PATJ: variants seen among roughly 807,000 people sequenced by gnomAD.
The protein encoded by PATJ is inaD-like protein.
A neutral mutation model predicts 224.9 loss-of-function variants in PATJ; 190 were observed. The ratio of observed to expected loss-of-function variants is 0.84; its 90% CI spans 0.75 to 0.95. PATJ has a LOEUF of 0.95. Among genes scored for constraint, PATJ ranks in the 40% least tolerant of loss-of-function variants. The pLI is 0.00. For synonymous variants in PATJ, 769 were observed against 820.3 expected (o/e 0.94, Z 1.07); for missense variants, 2,121 against 2,270.3 (o/e 0.93, Z 1.34).
chr1:62,118,673 A>C (rs1664718079), intron 37 of PATJ, among the ~76,000 whole-genome samples: 1 of 152,084 alleles, frequency 6.6e-6, no homozygotes, highest in African/African-American at 2.4e-5. Context: ...TCTGTTGCCC[A>C]GGTTGGAGTG....
intron 27 of PATJ, among the ~76,000 whole-genome samples, chr1:61,961,804 A>G (rs1681324028): frequency 6.6e-6 from 1 of 152,002 alleles, no homozygotes. Context: ...CCCCGTCTCT[A>G]CTAAAAATAC....
intron 17 of PATJ, among the ~76,000 whole-genome samples, chr1:61,850,410 A>G (rs925430857): frequency 4.6e-5 from 7 of 152,236 alleles, no homozygotes; most frequent in Non-Finnish European, 7.3e-5. Flanking sequence ...ATTCTTGAGA[A>G]AGTAACTGTA....
Position 62,049,246 on chromosome 1 carries a change from C to CACACACAT in PATJ, c.4033-1713_4033-1712insTACACACA, listed in dbSNP as rs1210439876. Among the ~76,000 whole-genome samples, 363 of 135,624 alleles carry CACACACAT rather than the reference C, an allele frequency of 2.7e-3. 1 individual carries two copies. The highest frequency in any genetic ancestry group is 9.8e-3 in the African/African-American group (347 of 35,498). The allele number at this position is 135,624 out of a possible 152,430, so 89.0% of individuals were successfully genotyped here. On this transcript the variant is annotated intron_variant, in intron 30 of 43. Transcript: ENST00000642238. ...TCCACTCCCCAGAAGTAAGCAATCA[C>CACACACAT]ACACACACACACACACACACACACA...
chr1:62,087,173 A>G (rs1558149713), intron 33 of PATJ, among the ~76,000 whole-genome samples: 1 of 151,988 alleles, frequency 6.6e-6, no homozygotes, highest in African/African-American at 2.4e-5. Context: ...TTATTTAGCA[A>G]CGGAAGTGGC....
chr1:62,064,930 C>T (rs1656157640), intron 31 of PATJ, among the ~76,000 whole-genome samples: 1 of 152,122 alleles, frequency 6.6e-6, no homozygotes, highest in South Asian at 2.1e-4. Context: ...CTAGGAATTC[C>T]CTCTAAGGAG....
chr1:61,787,007 C>CT (rs1477046275), intron 7 of PATJ, among the ~76,000 whole-genome samples: 1 of 151,344 alleles, frequency 6.6e-6, no homozygotes, highest in East Asian at 2.0e-4. Flanking sequence ...AAACAAAAAA[C>CT]TATCTATCTA....
At chr1:61,952,065 A>G (rs1445824678) in intron 27 of PATJ, 1 of 315,428 alleles carries the variant, frequency 3.2e-6, no homozygotes, top group Non-Finnish European at 5.9e-6. Flanking sequence ...CACAGTCAGC[A>G]GCGTGAAGCA....
At chr1:61,781,919 T>G (rs1647430570) in intron 7 of PATJ, among the ~76,000 whole-genome samples, 2 of 152,206 alleles carry the variant, frequency 1.3e-5, no homozygotes, top group Non-Finnish European at 2.9e-5. Context: ...ACAGACACAC[T>G]TAAGTCTTCC....
At chr1:61,832,091 A>G (rs773688892) in intron 16 of PATJ, among the ~76,000 whole-genome samples, 4 of 152,128 alleles carry the variant, frequency 2.6e-5, no homozygotes, top group Non-Finnish European at 4.4e-5. Flanking sequence ...ACCAAATACC[A>G]CATGTTCTCA....
intron 15 of PATJ, among the ~76,000 whole-genome samples, chr1:61,823,597 G>T (rs2148726873): frequency 6.6e-6 from 1 of 152,300 alleles, no homozygotes; most frequent in South Asian, 2.1e-4. Context: ...GAAAGGTCTT[G>T]GGGAATGGTC....
chr1:62,159,968 C>CGTTA lies in PATJ; in HGVS notation c.5503-937_5503-934dup, dbSNP rs1185749875. On this transcript the variant is annotated intron_variant, in intron 43 of 43. Coordinates refer to ENST00000642238, the MANE Select transcript of PATJ (RefSeq NM_001350145.3). ...TGCACATGGACACAGATCTCAGGAG[C>CGTTA]GTTAGTGCCTCCTAGCTCGGCTTCT... 7.2e-5 allele frequency among the ~76,000 whole-genome samples: 11 copies of CGTTA among 152,224 alleles called. No homozygotes were observed. In the East Asian group the frequency reaches 1.4e-3, roughly 19 times the overall value.
chr1:61,854,951 T>A (rs1299976094), intron 17 of PATJ, among the ~76,000 whole-genome samples: 1 of 152,220 alleles, frequency 6.6e-6, no homozygotes, highest in Non-Finnish European at 1.5e-5. Flanking sequence ...AAGTGTGTAT[T>A]GGAATAGTTG....
At chr1:62,020,299 G>A (rs1647007285) in intron 29 of PATJ, among the ~76,000 whole-genome samples, 1 of 152,148 alleles carries the variant, frequency 6.6e-6, no homozygotes, top group Non-Finnish European at 1.5e-5. Context: ...CAATGTAAAT[G>A]TACATTTAGT....
chr1:62,088,119 G>T (rs1304803506), intron 33 of PATJ, among the ~76,000 whole-genome samples: 1 of 152,020 alleles, frequency 6.6e-6, no homozygotes, highest in South Asian at 2.1e-4. Flanking sequence ...TTGAACTCCC[G>T]ACCTCAGGTG....
At chr1:61,907,120 C>A (rs2499005) in intron 24 of PATJ, among the ~76,000 whole-genome samples, 114,381 of 151,944 alleles carry the variant, frequency 0.75, 43,312 homozygotes, top group East Asian at 1. Context: ...TTCCCCTTCC[C>A]CTATGATTGT....
chr1:61,795,121 A>AC (rs1304022236), intron 9 of PATJ, among the ~76,000 whole-genome samples: 332 of 151,040 alleles, frequency 2.2e-3, no homozygotes, highest in Admixed American at 6.2e-3. Context: ...AAAAAAAAAA[A>AC]AGAAGTTTTA....
intron 16 of PATJ, among the ~76,000 whole-genome samples, chr1:61,831,873 T>C (rs1409572020): frequency 6.6e-6 from 1 of 152,174 alleles, no homozygotes; most frequent in Non-Finnish European, 1.5e-5. Context: ...TAAAGATGCA[T>C]GTGTATGTTC....
chr1:61,828,265 C>G (rs1658650823), intron 16 of PATJ, among the ~76,000 whole-genome samples: 1 of 151,316 alleles, frequency 6.6e-6, no homozygotes, highest in Non-Finnish European at 1.5e-5. Flanking sequence ...AAAAGAAACT[C>G]TATGATAAAT....
intron 24 of PATJ, 114 bp downstream of exon 24, chr1:61,901,573 G>A: frequency 1.4e-6 from 1 of 700,614 alleles, no homozygotes; most frequent in Non-Finnish European, 2.3e-6. Context: ...TACAGTTGGT[G>A]TGCTCTATTT....
Sources: allele counts gnomAD v4.1 joint callset (sites outside exome capture counted in the v4.1 genomes callset), GRCh38; gene constraint gnomAD v4.1.1; transcripts MANE v1.5; gene names NCBI Gene and HGNC (gene_info 2026-07-23, HGNC 2026-07-21).